SGK3: variants seen among roughly 807,000 people sequenced by gnomAD.
SGK3 encodes the protein serine/threonine-protein kinase Sgk3.
A neutral mutation model predicts 68.5 loss-of-function variants in SGK3; 47 were observed. The observed-to-expected ratio is 0.69, with a 90% CI of 0.54 to 0.87. SGK3 has a LOEUF of 0.87. Among genes scored for constraint, SGK3 ranks in the 40% least tolerant of loss-of-function variants. The pLI, the probability that SGK3 is intolerant of heterozygous loss-of-function variation, is 0.00. For missense variants in SGK3, 479 were observed against 575.5 expected (o/e 0.83, Z 1.72); for synonymous variants, 181 against 189.1 (o/e 0.96, Z 0.35).
chr8:66,752,140 T>C (rs1054934355), intron 1 of SGK3, among the ~76,000 whole-genome samples: 7 of 152,098 alleles, frequency 4.6e-5, no homozygotes, highest in African/African-American at 1.7e-4. Flanking sequence ...AAGGAGAGCA[T>C]TGTGCCATGT....
intron 6 of SGK3, among the ~76,000 whole-genome samples, chr8:66,827,411 A>G: frequency 6.7e-6 from 1 of 148,902 alleles, no homozygotes; most frequent in East Asian, 2.0e-4. Context: ...AAAAAAAAGT[A>G]TTGGTTCTGA....
At chr8:66,760,510 AT>A (rs1331564533) in intron 1 of SGK3, among the ~76,000 whole-genome samples, 1 of 151,286 alleles carries the variant, frequency 6.6e-6, no homozygotes, top group Non-Finnish European at 1.5e-5. Context: ...AACTTTTTGT[AT>A]TTTTAGTAGA....
In SGK3 at chr8:66,794,877, G is replaced by C. The variant is rs541059079; in HGVS notation, c.96+1045G>C. Reference sequence around the variant, plus strand: ...TGCTATGACTGACCTGGTAACCTGGGCATTTTGCTGGCATCCATTGCTGAC... The same window carrying C: ...TGCTATGACTGACCTGGTAACCTGGCCATTTTGCTGGCATCCATTGCTGAC... On this transcript the variant is annotated intron_variant, in intron 2 of 16. Coordinates refer to ENST00000521198, the MANE Select transcript of SGK3 (RefSeq NM_001033578.3). 9.9e-4 allele frequency among the ~76,000 whole-genome samples: 151 copies of C among 152,304 alleles called. 1 individual carries two copies. The highest frequency in any genetic ancestry group is 3.5e-3 in the African/African-American group (147 of 41,572).
rs1563600287 is a variant in SGK3 at position 66,733,763 on chromosome 8, G to A, written c.-122+20930G>A. Reference sequence around the variant, plus strand: ...CTTTAAAGATTATTATTTTAATAGAGGTGGAAGTTTTTGTTCCCAACTTTT... The same window carrying A: ...CTTTAAAGATTATTATTTTAATAGAAGTGGAAGTTTTTGTTCCCAACTTTT... On this transcript the variant is annotated intron_variant, in intron 1 of 16. Transcript: ENST00000521198. 3.3e-5 allele frequency among the ~76,000 whole-genome samples: 5 copies of A among 152,242 alleles called. No homozygotes were observed. In the South Asian group the frequency reaches 8.3e-4, roughly 25 times the overall value.
chr8:66,749,384 C>G (rs1280146490), intron 1 of SGK3, among the ~76,000 whole-genome samples: 1 of 151,672 alleles, frequency 6.6e-6, no homozygotes, highest in African/African-American at 2.4e-5. Flanking sequence ...GAGTGAGACC[C>G]TGTCTCAAAA....
At position 66,835,814 on chromosome 8, in the gene SGK3, T is replaced by C; in HGVS notation, c.577T>C (p.Leu193=). ...TGGAAAATTTTATGCTGTCAAAGTG[T>C]TACAGAAAAAAATAGTTCTCAACAG... ...LDGKFYAVKV[L]QKKIVLNRKE... The change falls in exon 9 of 17, where the codon TTA becomes CTA. Residue 193 remains leucine, a synonymous_variant. Coordinates refer to ENST00000521198, the MANE Select transcript of SGK3 (RefSeq NM_001033578.3). 6.2e-7 allele frequency: 1 copy of C among 1,611,336 alleles called. No individual in the cohort carries two copies. The highest frequency in any genetic ancestry group is 1.1e-5 in the South Asian group (1 of 89,914).
intron 1 of SGK3, among the ~76,000 whole-genome samples, chr8:66,792,123 A>C (rs540464301): frequency 9.5e-4 from 144 of 152,238 alleles, no homozygotes; most frequent in African/African-American, 3.2e-3. Flanking sequence ...TAAGGTCAGG[A>C]GTTTGAGACC....
At chr8:66,717,596 T>A (rs1054753480) in intron 1 of SGK3, among the ~76,000 whole-genome samples, 1 of 152,246 alleles carries the variant, frequency 6.6e-6, no homozygotes, top group Non-Finnish European at 1.5e-5. Context: ...ACTCACTGAT[T>A]AGCCAGTCTA....
intron 16 of SGK3, among the ~76,000 whole-genome samples, chr8:66,854,282 G>A (rs1440246403): frequency 6.6e-6 from 1 of 152,200 alleles, no homozygotes; most frequent in Non-Finnish European, 1.5e-5. Context: ...TTTTGGAAAA[G>A]TATGAAAACA....
chr8:66,764,859 G>C (rs1160684408), intron 1 of SGK3, among the ~76,000 whole-genome samples: 2 of 152,120 alleles, frequency 1.3e-5, no homozygotes, highest in Non-Finnish European at 2.9e-5. Flanking sequence ...ATGTTTTCAA[G>C]GTTCATTCAT....
intron 8 of SGK3, among the ~76,000 whole-genome samples, chr8:66,832,361 T>C (rs1809337442): frequency 6.6e-6 from 1 of 152,234 alleles, no homozygotes; most frequent in Non-Finnish European, 1.5e-5. Flanking sequence ...TGTTTAATCA[T>C]ATTTTGCTAT....
Position 66,786,925 on chromosome 8 carries a change from C to CTTTT in SGK3, c.-121-6664_-121-6661dup, listed in dbSNP as rs71249407. 1.1e-3 allele frequency among the ~76,000 whole-genome samples: 53 copies of CTTTT among 48,694 alleles called. 3 individuals are homozygous for CTTTT. Among genetic ancestry groups the CTTTT allele is most frequent in the Middle Eastern group, 0.028 (1 of 36 alleles). 31.9% of individuals were successfully genotyped at this position (48,694 alleles called of 152,430 possible). A position where few individuals can be genotyped will look rare whatever the true frequency, so the allele number is the denominator to read the frequency against. On this transcript the variant is annotated intron_variant, in intron 1 of 16. Coordinates refer to ENST00000521198, the MANE Select transcript of SGK3 (RefSeq NM_001033578.3). ...TCTGTGAGGGTAGGATTTTCTCTGT[C>CTTTT]TTTTTTTTTTTTTTTTTTTTTTTTT...
At chr8:66,844,005 A>C (rs1305751539) in intron 14 of SGK3, among the ~76,000 whole-genome samples, 1 of 151,516 alleles carries the variant, frequency 6.6e-6, no homozygotes, top group Non-Finnish European at 1.5e-5. Context: ...AAAAAAAAAA[A>C]AAAAAAAAAA....
intron 9 of SGK3, 28 bp downstream of exon 9, chr8:66,835,874 G>A: frequency 1.2e-6 from 2 of 1,608,848 alleles, no homozygotes; most frequent in Middle Eastern, 1.7e-4. Flanking sequence ...TTTCTCTCAA[G>A]CCCATTTTCT....
chr8:66,782,654 CT>C (rs1390797382), intron 1 of SGK3, among the ~76,000 whole-genome samples: 1 of 152,212 alleles, frequency 6.6e-6, no homozygotes, highest in African/African-American at 2.4e-5. Context: ...GCCCCAGCCC[CT>C]GGCAGCTGCT....
intron 1 of SGK3, among the ~76,000 whole-genome samples, chr8:66,714,682 G>T (rs539601193): frequency 2.0e-5 from 3 of 152,308 alleles, no homozygotes; most frequent in Admixed American, 2.0e-4. Context: ...ATTCAGTTTA[G>T]TCGGATGACC....
At chr8:66,753,152 A>G (rs1805873115) in intron 1 of SGK3, among the ~76,000 whole-genome samples, 1 of 152,230 alleles carries the variant, frequency 6.6e-6, no homozygotes, top group African/African-American at 2.4e-5. Flanking sequence ...ATATTTAATT[A>G]TCACAACAAT....
chr8:66,763,700 A>T (rs150819817), intron 1 of SGK3, among the ~76,000 whole-genome samples: 234 of 152,226 alleles, frequency 1.5e-3, no homozygotes, highest in African/African-American at 5.5e-3. Context: ...TTAAAGATAA[A>T]ATACAACATA....
chr8:66,737,617 C>CT (rs552425622), intron 1 of SGK3: 4,166 of 135,880 alleles, frequency 0.031, 73 homozygotes, highest in Admixed American at 0.043. Context: ...ACCCCTTTAT[C>CT]TTTTTTTTTT....
Sources: allele counts gnomAD v4.1 joint callset (sites outside exome capture counted in the v4.1 genomes callset), GRCh38; gene constraint gnomAD v4.1.1; transcripts MANE v1.5; gene names NCBI Gene and HGNC (gene_info 2026-07-23, HGNC 2026-07-21).